Variants in ZHX2 observed in about 807,000 individuals in gnomAD.
ZHX2 encodes the protein zinc fingers and homeoboxes 2.
Under a neutral mutation model 21.9 loss-of-function variants are expected in ZHX2, and 6 were observed. The ratio of observed to expected loss-of-function variants is 0.27; its 90% CI spans 0.15 to 0.54. ZHX2 has a LOEUF of 0.54. Ranked by LOEUF, ZHX2 falls within the 20% of genes least tolerant of loss-of-function variation. The pLI, the probability that ZHX2 is intolerant of heterozygous loss-of-function variation, is 0.95. For missense variants in ZHX2, 908 were observed against 1,090.7 expected (o/e 0.83, Z 2.36); for synonymous variants, 434 against 437.1 (o/e 0.99, Z 0.09).
intron 2 of ZHX2, among the ~76,000 whole-genome samples, chr8:122,886,651 A>G (rs1370298626): frequency 3.9e-5 from 6 of 152,224 alleles, no homozygotes; most frequent in Non-Finnish European, 2.9e-5. Flanking sequence ...ATCAAAGCGT[A>G]TTAATTTTTG....
intron 2 of ZHX2, among the ~76,000 whole-genome samples, chr8:122,879,018 G>A (rs1158874904): frequency 2.0e-5 from 3 of 152,052 alleles, no homozygotes; most frequent in African/African-American, 7.2e-5. Flanking sequence ...TGCACTCTTC[G>A]TAGTGCCAGG....
intron 1 of ZHX2, among the ~76,000 whole-genome samples, chr8:122,801,800 C>G (rs1204384991): frequency 1.3e-5 from 2 of 152,160 alleles, no homozygotes; most frequent in Non-Finnish European, 2.9e-5. Flanking sequence ...AATATCCTCC[C>G]TTGCCCTAAA....
At chr8:122,846,172 G>A (rs117286076) in intron 1 of ZHX2, among the ~76,000 whole-genome samples, 1,861 of 152,286 alleles carry the variant, frequency 0.012, 20 homozygotes, top group Non-Finnish European at 0.021. Context: ...TTTCCCTGTG[G>A]GTTGCTGGGT....
intron 1 of ZHX2, among the ~76,000 whole-genome samples, chr8:122,841,334 C>T (rs1014913478): frequency 2.0e-5 from 3 of 152,132 alleles, no homozygotes; most frequent in South Asian, 2.1e-4. Context: ...AATCCAGTGG[C>T]GCATCATAAG....
At chr8:122,905,226 A>G (rs1400239545) in intron 2 of ZHX2, among the ~76,000 whole-genome samples, 1 of 152,232 alleles carries the variant, frequency 6.6e-6, no homozygotes, top group Admixed American at 6.5e-5. Flanking sequence ...ATCCAAATAA[A>G]TTTACAATAA....
chr8:122,961,615 C>T (rs1242252730), intron 3 of ZHX2, among the ~76,000 whole-genome samples: 1 of 152,150 alleles, frequency 6.6e-6, no homozygotes, highest in Non-Finnish European at 1.5e-5. Flanking sequence ...GGAAGCAAGG[C>T]ACCTTCTTCA....
chr8:122,801,662 G>T (rs1817722939), intron 1 of ZHX2, among the ~76,000 whole-genome samples: 1 of 152,016 alleles, frequency 6.6e-6, no homozygotes, highest in African/African-American at 2.4e-5. Context: ...GAGGTGGGAG[G>T]ATCACTTGAG....
intron 2 of ZHX2, among the ~76,000 whole-genome samples, chr8:122,943,916 C>G (rs2130229321): frequency 6.6e-6 from 1 of 152,336 alleles, no homozygotes; most frequent in Admixed American, 6.5e-5. Flanking sequence ...ATTCCAGGCT[C>G]TTCGCCATCT....
chr8:122,963,257 C>G (rs574411703), intron 3 of ZHX2, among the ~76,000 whole-genome samples: 2 of 152,138 alleles, frequency 1.3e-5, no homozygotes, highest in Non-Finnish European at 2.9e-5. Flanking sequence ...GACTTCACGT[C>G]TTAGATTTAA....
intron 2 of ZHX2, among the ~76,000 whole-genome samples, chr8:122,930,643 T>G (rs1277535462): frequency 6.6e-6 from 1 of 151,206 alleles, no homozygotes; most frequent in Non-Finnish European, 1.5e-5. Flanking sequence ...GGCTAATTTT[T>G]GTTTTTTTTT....
At chr8:122,913,212 T>A (rs1408143403) in intron 2 of ZHX2, among the ~76,000 whole-genome samples, 1 of 152,272 alleles carries the variant, frequency 6.6e-6, no homozygotes, top group African/African-American at 2.4e-5. Flanking sequence ...AATACTTCAT[T>A]CTTTTTTGAT....
intron 1 of ZHX2, among the ~76,000 whole-genome samples, chr8:122,800,147 C>T (rs1333479249): frequency 2.6e-5 from 4 of 152,216 alleles, no homozygotes; most frequent in Non-Finnish European, 5.9e-5. Context: ...TGAGCCACCG[C>T]GCCTGGCCTA....
rs1397405775 is a variant in ZHX2 at position 122,813,406 on chromosome 8, T to C, written c.-283+31460T>C. Among the ~76,000 whole-genome samples the C allele has an allele frequency of 2.0e-5, 3 of 152,102 alleles. No individual in the cohort carries two copies. In the East Asian group the frequency reaches 5.8e-4, roughly 29 times the overall value. ...TATGTTGTGACCTGAAAGACGCACC[T>C]CCCTTATAGCTTCCCATCAGACACA... is the stretch of plus-strand genomic sequence containing the variant. On this transcript the variant is annotated intron_variant, in intron 1 of 3. Coordinates refer to ENST00000314393, the MANE Select transcript of ZHX2 (RefSeq NM_014943.5).
At chr8:122,836,341 G>A (rs529214176) in intron 1 of ZHX2, among the ~76,000 whole-genome samples, 2 of 152,300 alleles carry the variant, frequency 1.3e-5, no homozygotes, top group African/African-American at 4.8e-5. Context: ...GCACAGAGAG[G>A]CAACTGGAGG....
At chr8:122,881,056 C>T (rs554888689) in intron 2 of ZHX2, among the ~76,000 whole-genome samples, 4 of 152,180 alleles carry the variant, frequency 2.6e-5, no homozygotes, top group Non-Finnish European at 4.4e-5. Context: ...ACTTGATTAA[C>T]GCCCATTGAC....
intron 3 of ZHX2, among the ~76,000 whole-genome samples, chr8:122,970,611 G>A (rs899443230): frequency 4.6e-5 from 7 of 152,204 alleles, no homozygotes; most frequent in African/African-American, 1.4e-4. Context: ...TTCTTTAGCC[G>A]GGTTGGGAGA....
chr8:122,822,058 G>A lies in ZHX2; in HGVS notation c.-283+40112G>A, dbSNP rs1213248864. On this transcript the variant is annotated intron_variant, in intron 1 of 3. Coordinates refer to ENST00000314393, the MANE Select transcript of ZHX2 (RefSeq NM_014943.5). ...GAGCCCTATTGAGAGAGGATGCCTC[G>A]GAGGCCCAACAGTAAGGGGACTTCC... Among the ~76,000 whole-genome samples the A allele has an allele frequency of 2.6e-5, 4 of 152,088 alleles. No individual in the cohort carries two copies. In the East Asian group the frequency reaches 5.8e-4, roughly 22 times the overall value.
At chr8:122,846,725 T>C (rs1818759692) in intron 1 of ZHX2, among the ~76,000 whole-genome samples, 1 of 152,052 alleles carries the variant, frequency 6.6e-6, no homozygotes, top group Non-Finnish European at 1.5e-5. Context: ...GCTTTTGCCA[T>C]TGAAAGTAAT....
intron 2 of ZHX2, among the ~76,000 whole-genome samples, chr8:122,895,923 T>A (rs935743280): frequency 3.3e-5 from 5 of 152,174 alleles, no homozygotes; most frequent in African/African-American, 1.2e-4. Context: ...CAGCTCACTC[T>A]TATTTTTTTT....
Sources: gnomAD v4.1 joint callset for allele counts (sites outside exome capture counted in the v4.1 genomes callset) on GRCh38, gnomAD v4.1.1 for gene constraint, MANE v1.5 for transcripts, NCBI Gene and HGNC (gene_info 2026-07-23, HGNC 2026-07-21) for gene names.